Variants in CCT3 observed in about 807,000 individuals in gnomAD.
CCT3 encodes T-complex protein 1 subunit gamma.
A neutral mutation model predicts 65.3 loss-of-function variants in CCT3; 10 were observed. The observed-to-expected ratio is 0.15, with a 90% CI of 0.09 to 0.26. CCT3 has a LOEUF of 0.26. CCT3 is among the 10% of genes least tolerant of loss of function. The pLI is 1.00. For missense variants in CCT3, 626 were observed against 708.7 expected, an observed-to-expected ratio of 0.88 and a Z score of 1.33; for synonymous variants, 225 against 242.3, an observed-to-expected ratio of 0.93 and a Z score of 0.66.
At chr1:156,317,071 C>G in intron 10 of CCT3, 95 bp downstream of exon 10, 1 of 1,108,032 alleles carries the variant, frequency 9.0e-7, no homozygotes, top group Non-Finnish European at 1.4e-6. Context: ...TTACTATATC[C>G]TTTATTAAAC....
chr1:156,321,023 A>T lies in CCT3; in HGVS notation c.425T>A (p.Ile142Asn). The change falls in exon 7 of 14, where the codon ATC (isoleucine) becomes AAC (asparagine). Residue 142 changes from isoleucine to asparagine, a missense_variant and splice_region_variant. Coordinates refer to ENST00000295688, the MANE Select transcript of CCT3 (RefSeq NM_005998.5). ...DMISTLKKIS[I>N]PVDISDSDMM... ...ATCACTGTCACTGATGTCGACTGGGATACTAGAGAAAAGAAAACCAGACGA... is the reference window on the plus strand; with the variant it reads ...ATCACTGTCACTGATGTCGACTGGGTTACTAGAGAAAAGAAAACCAGACGA... 1 of 1,611,528 alleles carries T rather than the reference A, an allele frequency of 6.2e-7. No homozygotes were observed. Among genetic ancestry groups the T allele is most frequent in the Non-Finnish European group, 8.5e-7 (1 of 1,177,922 alleles).
At chr1:156,311,787 C>G (rs1664094160) in intron 11 of CCT3, among the ~76,000 whole-genome samples, 1 of 151,996 alleles carries the variant, frequency 6.6e-6, no homozygotes, top group Admixed American at 6.6e-5. Flanking sequence ...AGATCTCTTG[C>G]ACAATAACAT....
intron 7 of CCT3, 58 bp downstream of exon 7, chr1:156,320,781 G>A (rs1413770742): frequency 8.4e-7 from 1 of 1,189,836 alleles, no homozygotes; most frequent in African/African-American, 1.5e-5. Flanking sequence ...TTCCTCACAA[G>A]TGAGATGACT....
At chr1:156,309,372 C>T in intron 13 of CCT3, 69 bp from the exon 14 acceptor site, 1 of 1,028,750 alleles carries the variant, frequency 9.7e-7, no homozygotes, top group East Asian at 2.4e-5. Flanking sequence ...TCCTTTAGAT[C>T]TATCACCTAG....
At chr1:156,316,709 T>C (rs1161346563) in intron 10 of CCT3, among the ~76,000 whole-genome samples, 1 of 152,174 alleles carries the variant, frequency 6.6e-6, no homozygotes, top group Non-Finnish European at 1.5e-5. Flanking sequence ...AAAAGAATGG[T>C]CTATGAGCAC....
intron 4 of CCT3, among the ~76,000 whole-genome samples, chr1:156,334,314 G>C (rs1395328717): frequency 1.3e-5 from 2 of 152,084 alleles, no homozygotes; most frequent in Non-Finnish European, 1.5e-5. Flanking sequence ...TTTAAAATAG[G>C]GTTTTTGCAG....
rs1413074550 is a variant in CCT3, at chr1:156,320,892, C to T, written c.556G>A (p.Glu186Lys). 5.6e-6 allele frequency: 9 copies of T among 1,613,960 alleles called. No individual in the cohort carries two copies. The highest frequency in any genetic ancestry group is 7.6e-6 in the Non-Finnish European group (9 of 1,179,896). The change falls in exon 7 of 14, where the codon GAG (glutamate) becomes AAG (lysine). Residue 186 changes from glutamate to lysine, a missense_variant. Glu to Lys is a moderately conservative substitution (Grantham distance 56). Transcript: ENST00000295688. ...TCAATCTCTTTCCGACCATTCTCCTCAAACTGTACCATCTTGACAGCATCC... is the reference window on the plus strand; with the variant it reads ...TCAATCTCTTTCCGACCATTCTCCTTAAACTGTACCATCTTGACAGCATCC... ...ALDAVKMVQF[E>K]ENGRKEIDIK...
chr1:156,314,086 CAA>C (rs139747435), intron 10 of CCT3, among the ~76,000 whole-genome samples: 3,465 of 96,534 alleles, frequency 0.036, 78 homozygotes, highest in African/African-American at 0.1. Context: ...ACTCTGTCTC[CAA>C]AAAAAAAAAA....
intron 4 of CCT3, among the ~76,000 whole-genome samples, chr1:156,334,431 G>A (rs906377695): frequency 2.6e-5 from 4 of 152,122 alleles, no homozygotes; most frequent in African/African-American, 9.7e-5. Context: ...GAAGACCAAG[G>A]CAGAGACCAA....
At chr1:156,337,899 G>T in intron 1 of CCT3, 1 of 544,442 alleles carries the variant, frequency 1.8e-6, no homozygotes, top group Non-Finnish European at 3.3e-6. Flanking sequence ...AGAACGCGGA[G>T]TGGGAAAGAG....
intron 7 of CCT3, among the ~76,000 whole-genome samples, chr1:156,319,705 C>T (rs1664469321): frequency 6.6e-6 from 1 of 151,894 alleles, no homozygotes; most frequent in South Asian, 2.1e-4. Context: ...GACCCAATTG[C>T]TATTTAAATA....
At chr1:156,336,681 A>T (rs546508215) in intron 1 of CCT3, among the ~76,000 whole-genome samples, 1 of 152,324 alleles carries the variant, frequency 6.6e-6, no homozygotes, top group South Asian at 2.1e-4. Flanking sequence ...CCCCCAGGCC[A>T]TGTCAGTGGA....
At chr1:156,317,320 A>G in intron 9 of CCT3, 73 bp from the exon 10 acceptor site, 4 of 1,597,414 alleles carry the variant, frequency 2.5e-6, no homozygotes, top group Non-Finnish European at 3.4e-6. Context: ...CTTAACCATG[A>G]CACTATTACG....
Position 156,311,006 on chromosome 1 carries a change from G to C in CCT3, c.1345C>G (p.Arg449Gly), listed in dbSNP as rs540072195. ...GCCCCACAGTTCTGGATCAGGGTAC[G>C]AGGAATGACCTCTAGGGCCTGGGCA... Reference protein sequence around the residue: ...AVAQALEVIPRTLIQNCGAST... With the variant: ...AVAQALEVIPGTLIQNCGAST... Residue 449 changes from arginine (R) to glycine (G), a missense_variant, in exon 12 of 14, where the codon CGT becomes GGT. Coordinates refer to ENST00000295688, the MANE Select transcript of CCT3 (RefSeq NM_005998.5). The C allele has an allele frequency of 1.2e-6, 2 of 1,614,008 alleles. No individual in the cohort carries two copies. The highest frequency in any genetic ancestry group is 1.7e-6 in the Non-Finnish European group (2 of 1,180,010).
At position 156,317,185 on chromosome 1, in the gene CCT3, C is replaced by G; in HGVS notation, c.955G>C (p.Asp319His). 6.2e-7 allele frequency: 1 copy of G among 1,614,188 alleles called. No homozygotes were observed. The highest frequency in any genetic ancestry group is 1.7e-5 in the Admixed American group (1 of 60,022). ...ACTCACCTAGCAATGCGATTATTGT[C>G]TGTCTTCCGGACTCTGCGGATGGCT... Reference protein sequence around the residue: ...ITAIRRVRKTDNNRIARACGA... With the variant: ...ITAIRRVRKTHNNRIARACGA... Residue 319 changes from aspartate to histidine, a missense_variant, in exon 10 of 14, where the codon GAC becomes CAC. Asp to His is a moderately conservative substitution (Grantham distance 81, BLOSUM62 -1). Coordinates refer to ENST00000295688, the MANE Select transcript of CCT3 (RefSeq NM_005998.5).
At chr1:156,335,643 A>G in intron 2 of CCT3, 184 bp downstream of exon 2, 1 of 563,244 alleles carries the variant, frequency 1.8e-6, no homozygotes, top group Non-Finnish European at 3.2e-6. Context: ...ATCAGTCCTA[A>G]CTCAGAAGGG....
chr1:156,319,629 C>CA (rs1360697753), intron 7 of CCT3, among the ~76,000 whole-genome samples: 1 of 152,080 alleles, frequency 6.6e-6, no homozygotes, highest in Non-Finnish European at 1.5e-5. Flanking sequence ...CCCAGCTACT[C>CA]AAGAGGCTCA....
intron 6 of CCT3, among the ~76,000 whole-genome samples, chr1:156,324,350 A>T (rs1240898730): frequency 2.0e-5 from 3 of 152,226 alleles, no homozygotes; most frequent in African/African-American, 4.8e-5. Context: ...GGCGTGAGCC[A>T]CCGAGCCCTG....
intron 10 of CCT3, among the ~76,000 whole-genome samples, chr1:156,312,901 G>GA (rs1664143772): frequency 6.6e-6 from 1 of 152,198 alleles, no homozygotes; most frequent in Non-Finnish European, 1.5e-5. Flanking sequence ...AAAGGAAGGT[G>GA]AAAGATCTAA....
Sources: allele counts gnomAD v4.1 joint callset (sites outside exome capture counted in the v4.1 genomes callset), GRCh38; gene constraint gnomAD v4.1.1; transcripts MANE v1.5; gene names NCBI Gene and HGNC (gene_info 2026-07-23, HGNC 2026-07-21).